The following MED28 variants were observed in gnomAD, a reference collection of about 807,000 sequenced individuals.
MED28 encodes mediator complex subunit 28.
A neutral mutation model predicts 21.3 loss-of-function variants in MED28; 26 were observed. The ratio of observed to expected loss-of-function variants is 1.22; its 90% CI spans 0.89 to 1.69. The LOEUF is 1.69. MED28 is among the 40% of genes most tolerant of loss of function. The pLI is 0.00. For missense variants in MED28, 257 were observed against 215.4 expected (o/e 1.19, Z -1.21); for synonymous variants, 110 against 87.6 (o/e 1.26, Z -1.43).
intron 1 of MED28, among the ~76,000 whole-genome samples, chr4:17,616,007 C>G (rs2108914750): frequency 6.6e-6 from 1 of 152,218 alleles, no homozygotes; most frequent in East Asian, 1.9e-4. Context: ...CTCGCCCAGG[C>G]TGGAGTACAG....
chr4:17,624,034 CA>C lies in MED28; in HGVS notation c.*239del. ...GTAAGTATTTTTTTTTTGTCTTTAGCAAAGTTTAGACTGTGAATATGATGAC... is the reference window on the plus strand; with the variant it reads ...GTAAGTATTTTTTTTTTGTCTTTAGCAAGTTTAGACTGTGAATATGATGAC... On this transcript the variant is annotated 3_prime_UTR_variant, in exon 4 of 4. Transcript: ENST00000237380. 1 of 541,280 alleles carries C rather than the reference CA, an allele frequency of 1.8e-6. No individual in the cohort carries two copies. Among genetic ancestry groups the C allele is most frequent in the South Asian group, 2.4e-5 (1 of 41,240 alleles). The allele number at this position is 541,280 out of a possible 1,614,324, so 33.5% of individuals were successfully genotyped here. A position where few individuals can be genotyped will look rare whatever the true frequency, so the allele number is the denominator to read the frequency against.
intron 3 of MED28, among the ~76,000 whole-genome samples, chr4:17,622,228 G>C (rs1714656572): frequency 6.6e-6 from 1 of 152,184 alleles, no homozygotes; most frequent in Non-Finnish European, 1.5e-5. Flanking sequence ...GGTTGGGCCA[G>C]GACCTGCCCC....
rs1368394086 is a variant in MED28 at position 17,631,020 on chromosome 4, AGTT to A, written c.*7226_*7228del. ...CTGAAAAAATATTTTGCCCCCTAAA[AGTT>A]GTTATTGAGTCTTGTCAAATCACAT... On this transcript the variant is annotated 3_prime_UTR_variant, in exon 4 of 4. Coordinates refer to ENST00000237380, the MANE Select transcript of MED28 (RefSeq NM_025205.5). The A allele has an allele frequency of 1.3e-5, 2 of 152,212 alleles. No individual in the cohort carries two copies. The highest frequency in any genetic ancestry group is 3.8e-4 in the East Asian group (2 of 5,206). 9.4% of individuals were successfully genotyped at this position (152,212 alleles called of 1,614,324 possible).
At position 17,631,528 on chromosome 4, in the gene MED28, TATGGTC is replaced by T. The variant is rs1714943943; in HGVS notation, c.*7733_*7738del. 6.6e-6 allele frequency: 1 copy of T among 152,262 alleles called. No individual in the cohort carries two copies. The highest frequency in any genetic ancestry group is 1.5e-5 in the Non-Finnish European group (1 of 68,044). 9.4% of individuals were successfully genotyped at this position (152,262 alleles called of 1,614,324 possible). ...CCTTCACAAGTGATCATGTTGGCACTATGGTCATTACACTGAGACCTATAACTGGGC... is the reference window on the plus strand; with the variant it reads ...CCTTCACAAGTGATCATGTTGGCACTATTACACTGAGACCTATAACTGGGC... On this transcript the variant is annotated 3_prime_UTR_variant, in exon 4 of 4. Transcript: ENST00000237380.
In MED28 at chr4:17,625,823, A is replaced by G; in HGVS notation, c.*2025A>G. 1 of 302,202 alleles carries G rather than the reference A, an allele frequency of 3.3e-6. No individual in the cohort carries two copies. The highest frequency in any genetic ancestry group is 6.5e-6 in the Non-Finnish European group (1 of 153,952). 18.7% of individuals were successfully genotyped at this position (302,202 alleles called of 1,614,324 possible). A position where few individuals can be genotyped will look rare whatever the true frequency, so the allele number is the denominator to read the frequency against. ...AGTGGAGTATTATGTCTTGGAAGAG[A>G]CTCCTGCTGTGATTGTCCAGGGGTA... On this transcript the variant is annotated 3_prime_UTR_variant, in exon 4 of 4. Coordinates refer to ENST00000237380, the MANE Select transcript of MED28 (RefSeq NM_025205.5).
chr4:17,621,673 C>T lies in MED28; in HGVS notation c.313C>T (p.Gln105Ter), dbSNP rs1714641081. The T allele has an allele frequency of 2.5e-6, 4 of 1,610,714 alleles. No individual in the cohort carries two copies. Among genetic ancestry groups the T allele is most frequent in the Non-Finnish European group, 3.4e-6 (4 of 1,179,142 alleles). Reference protein sequence around the residue: ...FLQKRLQLSVQKPEQVIKEDV... With the variant: ...FLQKRLQLSV ...ACAAAAAAGATTGCAGTTATCTGTC[C>T]AGAAACCAGAGCAAGTTATCAAAGA... The change falls in exon 3 of 4, where the codon CAG becomes TAG. Residue 105 changes from glutamine (Q) to a stop codon, truncating the protein, a stop_gained. Transcript: ENST00000237380. LOFTEE classifies it high-confidence loss of function.
At chr4:17,623,228 G>T (rs948390207) in intron 3 of MED28, among the ~76,000 whole-genome samples, 2 of 151,866 alleles carry the variant, frequency 1.3e-5, no homozygotes, top group Admixed American at 6.6e-5. Flanking sequence ...TGGCAAAACC[G>T]CATCTCTACT....
intron 3 of MED28, 61 bp from the exon 4 acceptor site, chr4:17,623,540 C>T (rs2108918533): frequency 2.0e-6 from 3 of 1,536,352 alleles, no homozygotes; most frequent in South Asian, 2.3e-5. Flanking sequence ...TCTTAACTAA[C>T]CAGAACCGTA....
intron 3 of MED28, among the ~76,000 whole-genome samples, chr4:17,622,548 C>T (rs567258744): frequency 1.8e-4 from 27 of 150,000 alleles, no homozygotes; most frequent in African/African-American, 6.1e-4. Flanking sequence ...AGTTCATAAT[C>T]TGAAGTGATA....
rs1715016141 is a variant in MED28 at position 17,633,187 on chromosome 4, G to T, written c.*9389G>T. On this transcript the variant is annotated 3_prime_UTR_variant, in exon 4 of 4. Coordinates refer to ENST00000237380, the MANE Select transcript of MED28 (RefSeq NM_025205.5). ...TCCACCCACCTCCATCTCCCAAAGT[G>T]CTGGGATTACAGGCGTGAGCCACCA... The T allele has an allele frequency of 6.5e-6, 1 of 154,282 alleles. No individual in the cohort carries two copies. Among genetic ancestry groups the T allele is most frequent in the Non-Finnish European group, 1.4e-5 (1 of 69,464 alleles). 9.6% of individuals were successfully genotyped at this position (154,282 alleles called of 1,614,324 possible).
At chr4:17,622,113 C>T (rs1190313393) in intron 3 of MED28, among the ~76,000 whole-genome samples, 2 of 152,186 alleles carry the variant, frequency 1.3e-5, no homozygotes, top group Admixed American at 6.5e-5. Flanking sequence ...GACCCAGGTT[C>T]CTGGAAACTC....
In MED28 at chr4:17,623,722, C is replaced by T; in HGVS notation, c.461C>T (p.Ala154Val). The T allele has an allele frequency of 1.9e-6, 3 of 1,614,218 alleles. No homozygotes were observed. The highest frequency in any genetic ancestry group is 2.5e-6 in the Non-Finnish European group (3 of 1,180,040). Reference protein sequence around the residue: ...EDINVQHKKPADIPQGSLAYL... With the variant: ...EDINVQHKKPVDIPQGSLAYL... ...ATCAACGTGCAGCACAAAAAGCCCG[C>T]CGACATCCCTCAGGGCTCCTTGGCC... Residue 154 changes from alanine (A) to valine (V), a missense_variant, in exon 4 of 4, where the codon GCC becomes GTC. Transcript: ENST00000237380.
At chr4:17,618,187 T>C (rs1320829133) in intron 1 of MED28, among the ~76,000 whole-genome samples, 1 of 151,776 alleles carries the variant, frequency 6.6e-6, no homozygotes. Context: ...AATTTTTGTT[T>C]TTGTAGAGAC....
rs574946385 is a variant in MED28 at position 17,626,112 on chromosome 4, C to G, written c.*2314C>G. ...TGAGGCCAGGTGCAGTGGCTCACGC[C>G]TGTAATCCCAGCACTTTGGGGGGCT... On this transcript the variant is annotated 3_prime_UTR_variant, in exon 4 of 4. Transcript: ENST00000237380. 6.5e-6 allele frequency: 1 copy of G among 154,678 alleles called. No individual in the cohort carries two copies. Among genetic ancestry groups the G allele is most frequent in the African/African-American group, 2.4e-5 (1 of 41,606 alleles). The allele number at this position is 154,678 out of a possible 1,614,324, so 9.6% of individuals were successfully genotyped here.
Position 17,625,832 on chromosome 4 carries a change from G to T in MED28, c.*2034G>T, listed in dbSNP as rs537447702. The stretch of plus-strand genomic sequence containing the variant: ...TTATGTCTTGGAAGAGACTCCTGCT[G>T]TGATTGTCCAGGGGTACGTTCTGGT... On this transcript the variant is annotated 3_prime_UTR_variant, in exon 4 of 4. Coordinates refer to ENST00000237380, the MANE Select transcript of MED28 (RefSeq NM_025205.5). 4 of 309,114 alleles carry T rather than the reference G, an allele frequency of 1.3e-5. No homozygotes were observed. Among genetic ancestry groups the T allele is most frequent in the Admixed American group, 9.6e-5 (2 of 20,820 alleles). 19.1% of individuals were successfully genotyped at this position (309,114 alleles called of 1,614,324 possible). A position where few individuals can be genotyped will look rare whatever the true frequency, so the allele number is the denominator to read the frequency against.
rs1179339327 is a variant in MED28, at chr4:17,625,817, G to A, written c.*2019G>A. 3.0e-6 allele frequency: 1 copy of A among 330,028 alleles called. No homozygotes were observed. The highest frequency in any genetic ancestry group is 5.9e-6 in the Non-Finnish European group (1 of 169,582). 20.4% of individuals were successfully genotyped at this position (330,028 alleles called of 1,614,324 possible). A position where few individuals can be genotyped will look rare whatever the true frequency, so the allele number is the denominator to read the frequency against. ...CTGGGGAGTGGAGTATTATGTCTTG[G>A]AAGAGACTCCTGCTGTGATTGTCCA... On this transcript the variant is annotated 3_prime_UTR_variant, in exon 4 of 4. Transcript: ENST00000237380.
chr4:17,623,584 A>G lies in MED28; in HGVS notation c.340-17A>G. On this transcript the variant is annotated splice_polypyrimidine_tract_variant and intron_variant, in intron 3 of 3. Transcript: ENST00000237380. Reference sequence around the variant, plus strand: ...TCCTGCATTTGCTCTGACTTAGTCCATGACTTTCATCTGCAGGATGTGTCA... The same window carrying G: ...TCCTGCATTTGCTCTGACTTAGTCCGTGACTTTCATCTGCAGGATGTGTCA... 6 of 1,612,888 alleles carry G rather than the reference A, an allele frequency of 3.7e-6. No homozygotes were observed. Among genetic ancestry groups the G allele is most frequent in the South Asian group, 3.3e-5 (3 of 91,036 alleles).
At chr4:17,621,908 G>A (rs549327734) in intron 3 of MED28, among the ~76,000 whole-genome samples, 1 of 152,298 alleles carries the variant, frequency 6.6e-6, no homozygotes, top group Admixed American at 6.5e-5. Context: ...GTGTCAGACG[G>A]AACAGCTCTG....
chr4:17,623,661 A>G lies in MED28; in HGVS notation c.400A>G (p.Thr134Ala), dbSNP rs1436459455. The G allele has an allele frequency of 6.2e-7, 1 of 1,614,108 alleles. No homozygotes were observed. The highest frequency in any genetic ancestry group is 1.7e-5 in the Admixed American group (1 of 60,010). The change falls in exon 4 of 4, where the codon ACA (threonine) becomes GCA (alanine). Residue 134 changes from threonine (T) to alanine (A), a missense_variant. Coordinates refer to ENST00000237380, the MANE Select transcript of MED28 (RefSeq NM_025205.5). ...AGATGCACTAGTCCAGAAGCACTTG[A>G]CAAAGCTGAGGCATTGGCAGCAGGT... is the stretch of plus-strand genomic sequence containing the variant. ...RKDALVQKHL[T>A]KLRHWQQVLE...
Sources: gnomAD v4.1 joint callset for allele counts (sites outside exome capture counted in the v4.1 genomes callset) on GRCh38, gnomAD v4.1.1 for gene constraint, MANE v1.5 for transcripts, NCBI Gene and HGNC (gene_info 2026-07-23, HGNC 2026-07-21) for gene names.